FH: variants seen among roughly 807,000 people sequenced by gnomAD.
FH encodes fumarate hydratase, also known as fumarate hydratase, mitochondrial.
Under a neutral mutation model 49.4 loss-of-function variants are expected in FH, and 22 were observed. The observed-to-expected ratio is 0.45, with a 90% CI of 0.32 to 0.64. The LOEUF (loss-of-function observed/expected upper bound fraction) is 0.64. Among genes scored for constraint, FH ranks in the 30% least tolerant of loss-of-function variants. The pLI, the probability that FH is intolerant of heterozygous loss-of-function variation, is 0.05. For synonymous variants in FH, 208 were observed against 223.0 expected (o/e 0.93, Z 0.60); for missense variants, 526 against 641.5 (o/e 0.82, Z 1.95).
intron 9 of FH, 89 bp from the exon 10 acceptor site, chr1:241,498,059 T>G (rs1659670528): frequency 2.4e-6 from 3 of 1,236,482 alleles, no homozygotes; most frequent in Non-Finnish European, 3.6e-6. Flanking sequence ...TACTTGATAT[T>G]GATGCTATAT....
Position 241,506,057 on chromosome 1 carries a change from T to C in FH, c.850A>G (p.Asn284Asp), listed in dbSNP as rs1240119974. 1.2e-6 allele frequency: 2 copies of C among 1,614,084 alleles called. No homozygotes were observed. The highest frequency in any genetic ancestry group is 1.7e-5 in the Admixed American group (1 of 60,012). Residue 284 changes from asparagine to aspartate, a missense_variant, in exon 6 of 10, where the codon AAT becomes GAT. This residue lies in a region of FH where 383 missense variants were observed against 514.0 expected (regional missense o/e 0.75). Transcript: ENST00000366560. ...TTTTCTGCAAAGCCAATTCTAGTAT[T>C]TAAACCTGTACCAACAGCAGTGCCT... ...AGGTAVGTGL[N>D]TRIGFAEKVA... is the part of the protein sequence containing the mutation.
intron 2 of FH, among the ~76,000 whole-genome samples, chr1:241,514,997 G>A (rs1660180047): frequency 1.3e-5 from 2 of 152,024 alleles, no homozygotes; most frequent in Admixed American, 6.6e-5. Context: ...AAATAAAAAA[G>A]GGTCATTCAC....
intron 1 of FH, among the ~76,000 whole-genome samples, chr1:241,518,551 C>T (rs1660281055): frequency 6.6e-6 from 1 of 152,036 alleles, no homozygotes; most frequent in Admixed American, 6.6e-5. Context: ...AAGTACTGGC[C>T]CTTTGAAATA....
intron 5 of FH, 81 bp downstream of exon 5, chr1:241,508,522 A>C (rs1476743506): frequency 7.6e-7 from 1 of 1,308,874 alleles, no homozygotes; most frequent in Non-Finnish European, 1.1e-6. Flanking sequence ...TTGGCCTTTT[A>C]AGCTAGTCAG....
At chr1:241,517,006 T>A (rs1660233884) in intron 2 of FH, among the ~76,000 whole-genome samples, 176 bp downstream of exon 2, 1 of 152,222 alleles carries the variant, frequency 6.6e-6, no homozygotes, top group South Asian at 2.1e-4. Flanking sequence ...AATAGCATGC[T>A]AAAACTTCAA....
chr1:241,513,547 T>A, intron 3 of FH, 56 bp downstream of exon 3: 1 of 1,269,094 alleles, frequency 7.9e-7, no homozygotes, highest in Admixed American at 1.7e-5. Flanking sequence ...CATATCGTCA[T>A]CCAGAGTATG....
chr1:241,499,931 T>C (rs1659727185), intron 9 of FH, among the ~76,000 whole-genome samples: 1 of 152,226 alleles, frequency 6.6e-6, no homozygotes, highest in South Asian at 2.1e-4. Context: ...AATATTTGCA[T>C]TTTCCTTCCT....
intron 1 of FH, among the ~76,000 whole-genome samples, chr1:241,517,910 G>A (rs1367056614): frequency 6.6e-6 from 1 of 152,022 alleles, no homozygotes; most frequent in African/African-American, 2.4e-5. Flanking sequence ...AATAATCAAT[G>A]ATCACACTAA....
chr1:241,503,931 T>G, intron 7 of FH, 111 bp downstream of exon 7: 1 of 1,130,930 alleles, frequency 8.8e-7, no homozygotes, highest in South Asian at 1.3e-5. Flanking sequence ...CAGTGCGCCT[T>G]GCGCATCCAG....
At chr1:241,504,415 A>G (rs1343047970) in intron 6 of FH, among the ~76,000 whole-genome samples, 170 bp from the exon 7 acceptor site, 1 of 152,192 alleles carries the variant, frequency 6.6e-6, no homozygotes, top group Non-Finnish European at 1.5e-5. Flanking sequence ...AAGAAGTCCT[A>G]AAGGAGTAGA....
intron 2 of FH, 122 bp from the exon 3 acceptor site, chr1:241,513,835 C>A: frequency 1.4e-6 from 1 of 731,658 alleles, no homozygotes; most frequent in Non-Finnish European, 2.4e-6. Flanking sequence ...CACTATAGCT[C>A]TAAAATGTTT....
chr1:241,500,363 C>T, intron 9 of FH, 74 bp downstream of exon 9: 3 of 1,416,436 alleles, frequency 2.1e-6, no homozygotes, highest in Non-Finnish European at 3.0e-6. Flanking sequence ...AACACTGATC[C>T]ACTTGTCTCT....
At chr1:241,519,550 G>A in intron 1 of FH, 41 bp downstream of exon 1, 1 of 1,539,674 alleles carries the variant, frequency 6.5e-7, no homozygotes, top group South Asian at 1.2e-5. Context: ...GAGGGCTGAA[G>A]GTCACTGCGG....
chr1:241,510,403 G>A (rs1020464055), intron 4 of FH, among the ~76,000 whole-genome samples: 3 of 152,074 alleles, frequency 2.0e-5, no homozygotes, highest in African/African-American at 7.2e-5. Context: ...AGAGCTGAAA[G>A]AATTTAAGCA....
chr1:241,505,952 A>G (rs759618470), intron 6 of FH, 51 bp downstream of exon 6: 40 of 1,536,798 alleles, frequency 2.6e-5, no homozygotes, highest in Non-Finnish European at 3.2e-5. Flanking sequence ...AAATGTACAG[A>G]CCACGTATAA....
Position 241,500,602 on chromosome 1 carries a change from T to TGACA in FH, c.1237-13_1237-12insTGTC. 6.7e-7 allele frequency: 1 copy of TGACA among 1,488,440 alleles called. No individual in the cohort carries two copies. The highest frequency in any genetic ancestry group is 9.1e-7 in the Non-Finnish European group (1 of 1,103,704). 92.2% of individuals were successfully genotyped at this position (1,488,440 alleles called of 1,614,324 possible). A position where few individuals can be genotyped will look rare whatever the true frequency, so the allele number is the denominator to read the frequency against. ...AACACATTTTTAATCTTTGAGTGAGTGAGAGAGAGAGAGAGAGAGAGAGAG... is the reference window on the plus strand; with the variant it reads ...AACACATTTTTAATCTTTGAGTGAGTGACAGAGAGAGAGAGAGAGAGAGAGAGAG... On this transcript the variant is annotated splice_polypyrimidine_tract_variant and intron_variant, in intron 8 of 9. Coordinates refer to ENST00000366560, the MANE Select transcript of FH (RefSeq NM_000143.4).
At position 241,517,189 on chromosome 1, in the gene FH, C is replaced by T. The variant is rs200007371; in HGVS notation, c.260G>A (p.Arg87His). 30 of 1,614,114 alleles carry T rather than the reference C, an allele frequency of 1.9e-5. No homozygotes were observed. The East Asian group carries it at 5.1e-4, about 28-fold the overall frequency. Residue 87 changes from arginine (R) to histidine (H), a missense_variant, in exon 2 of 10, where the codon CGC (arginine) becomes CAC (histidine). Coordinates refer to ENST00000366560, the MANE Select transcript of FH (RefSeq NM_000143.4). ...TCCACAAATGCCACTTACTGGCATG[C>T]GTTCTGTCACACCTCCAATCTTAAA... ...MNFKIGGVTE[R>H]MPTPVIKAFG...
intron 6 of FH, among the ~76,000 whole-genome samples, chr1:241,504,774 C>T (rs1343526705): frequency 1.3e-5 from 2 of 152,038 alleles, no homozygotes; most frequent in African/African-American, 4.8e-5. Context: ...GATGAAATAA[C>T]AAGTATGATA....
intron 5 of FH, among the ~76,000 whole-genome samples, chr1:241,507,133 C>G (rs1215938209): frequency 6.6e-6 from 1 of 152,100 alleles, no homozygotes; most frequent in East Asian, 1.9e-4. Context: ...AACAGTGGGA[C>G]CCTAAGATTA....
Sources: allele counts gnomAD v4.1 joint callset (sites outside exome capture counted in the v4.1 genomes callset), GRCh38; gene constraint gnomAD v4.1.1; regional missense constraint gnomAD v4.1.1; transcripts MANE v1.5; gene names NCBI Gene and HGNC (gene_info 2026-07-23, HGNC 2026-07-21).